Variants in SPIRE1 observed in about 807,000 individuals in gnomAD.
The protein encoded by SPIRE1 is protein spire homolog 1.
SPIRE1 carries 40 observed loss-of-function variants against 94.1 expected under a neutral mutation model. The observed-to-expected ratio is 0.43, with a 90% CI of 0.33 to 0.55. The LOEUF is 0.55. Ranked by LOEUF, SPIRE1 falls within the 20% of genes least tolerant of loss-of-function variation. SPIRE1 has a pLI of 0.06. For missense variants in SPIRE1, 838 were observed against 975.2 expected (o/e 0.86, Z 1.87); for synonymous variants, 376 against 371.7 (o/e 1.01, Z -0.13).
At chr18:12,509,601 T>C (rs1029766395) in intron 5 of SPIRE1, among the ~76,000 whole-genome samples, 7 of 152,192 alleles carry the variant, frequency 4.6e-5, no homozygotes, top group African/African-American at 1.7e-4. Context: ...TACAAATATC[T>C]TGAAGATATC....
intron 2 of SPIRE1, among the ~76,000 whole-genome samples, chr18:12,547,990 G>A (rs147554050): frequency 2.6e-5 from 4 of 152,114 alleles, no homozygotes; most frequent in African/African-American, 9.7e-5. Context: ...ATTAAATCCT[G>A]ACTTTTACCA....
At chr18:12,605,957 C>A (rs1345483287) in intron 2 of SPIRE1, among the ~76,000 whole-genome samples, 3 of 152,154 alleles carry the variant, frequency 2.0e-5, no homozygotes, top group Non-Finnish European at 2.9e-5. Context: ...TCCACCTAGG[C>A]ATCTTCCCAC....
chr18:12,527,741 G>C (rs1422894994), intron 4 of SPIRE1, among the ~76,000 whole-genome samples: 2 of 151,976 alleles, frequency 1.3e-5, no homozygotes, highest in Non-Finnish European at 2.9e-5. Context: ...GCATCTTAAG[G>C]TTGATTCTAT....
rs559585603 is a variant in SPIRE1, at chr18:12,574,989, C to T, written c.373-28085G>A. ...CATTGGAGACTTTGGCAAGGGCAAT[C>T]TGGGTGAGTAAACAGAAATGTGTAC... On this transcript the variant is annotated intron_variant, in intron 2 of 16. Transcript: ENST00000409402. Among the ~76,000 whole-genome samples the T allele has an allele frequency of 2.0e-5, 3 of 152,262 alleles. No homozygotes were observed. The East Asian group carries it at 5.8e-4, about 29-fold the overall frequency.
chr18:12,450,611 G>C (rs2031185376), intron 16 of SPIRE1: 3 of 566,230 alleles, frequency 5.3e-6, no homozygotes, highest in African/African-American at 3.9e-5. Context: ...GTCTGGGAAA[G>C]AGAAGTCTAA....
intron 1 of SPIRE1, among the ~76,000 whole-genome samples, chr18:12,638,414 A>G (rs2037995097): frequency 6.6e-6 from 1 of 152,242 alleles, no homozygotes; most frequent in South Asian, 2.1e-4. Flanking sequence ...ACAGCACTCC[A>G]GAACAGGTGA....
chr18:12,541,602 C>A (rs2035016109), intron 3 of SPIRE1, among the ~76,000 whole-genome samples: 1 of 152,056 alleles, frequency 6.6e-6, no homozygotes, highest in Non-Finnish European at 1.5e-5. Flanking sequence ...GCCTTTAGGT[C>A]CATTTTATAT....
chr18:12,462,359 T>C lies in SPIRE1; in HGVS notation c.1638+992A>G, dbSNP rs533451796. 5.2e-4 allele frequency among the ~76,000 whole-genome samples: 79 copies of C among 152,372 alleles called. 1 individual carries two copies. The highest frequency in any genetic ancestry group is 1.9e-3 in the African/African-American group (79 of 41,594). ...TTCTATTATTTTTTATTCATGAATATTTGAAAACACATTAGATATTTGACT... is the reference window on the plus strand; with the variant it reads ...TTCTATTATTTTTTATTCATGAATACTTGAAAACACATTAGATATTTGACT... On this transcript the variant is annotated intron_variant, in intron 12 of 16. Coordinates refer to ENST00000409402, the MANE Select transcript of SPIRE1 (RefSeq NM_001128626.2).
chr18:12,507,400 T>C (rs897880298), intron 5 of SPIRE1, among the ~76,000 whole-genome samples: 6 of 152,094 alleles, frequency 3.9e-5, no homozygotes, highest in Non-Finnish European at 8.8e-5. Flanking sequence ...GTTCTATACA[T>C]AGAAAATACT....
intron 9 of SPIRE1, among the ~76,000 whole-genome samples, chr18:12,481,175 T>A (rs1198263012): frequency 6.6e-6 from 1 of 151,768 alleles, no homozygotes; most frequent in Non-Finnish European, 1.5e-5. Context: ...ACTAAAAATA[T>A]AAAAATTAGC....
intron 2 of SPIRE1, among the ~76,000 whole-genome samples, chr18:12,620,237 T>C (rs1022023404): frequency 1.3e-5 from 2 of 152,194 alleles, no homozygotes; most frequent in Non-Finnish European, 2.9e-5. Context: ...GGCTTAGCAT[T>C]GTTAAATGCG....
chr18:12,461,282 T>C (rs189938032), intron 12 of SPIRE1, among the ~76,000 whole-genome samples: 2 of 152,262 alleles, frequency 1.3e-5, no homozygotes, highest in African/African-American at 4.8e-5. Flanking sequence ...AATGACATTG[T>C]ATGATCACAT....
At chr18:12,527,935 G>A (rs943481036) in intron 4 of SPIRE1, among the ~76,000 whole-genome samples, 27 of 152,044 alleles carry the variant, frequency 1.8e-4, no homozygotes, top group African/African-American at 6.0e-4. Context: ...GCGTGGTGGC[G>A]GGTGCCTGTA....
At chr18:12,586,624 T>A (rs1302810900) in intron 2 of SPIRE1, among the ~76,000 whole-genome samples, 1 of 152,240 alleles carries the variant, frequency 6.6e-6, no homozygotes, top group Non-Finnish European at 1.5e-5. Context: ...ATTTACAAGT[T>A]TATTAGGCTT....
chr18:12,489,799 G>A (rs571399604), intron 8 of SPIRE1, among the ~76,000 whole-genome samples: 1 of 152,320 alleles, frequency 6.6e-6, no homozygotes, highest in Admixed American at 6.5e-5. Flanking sequence ...TATATACACA[G>A]TTTTCATCCT....
chr18:12,642,995 T>C (rs2038127717), intron 1 of SPIRE1, among the ~76,000 whole-genome samples: 1 of 152,160 alleles, frequency 6.6e-6, no homozygotes. Flanking sequence ...ATTTAAAGAA[T>C]AGTACTGTAT....
intron 10 of SPIRE1, among the ~76,000 whole-genome samples, chr18:12,476,564 A>AAAAAAAATAT (rs1568194404): frequency 2.9e-5 from 2 of 69,842 alleles, no homozygotes; most frequent in African/African-American, 7.6e-5. Context: ...AAAAAAAAAA[A>AAAAAAAATAT]ATATATATAT....
At chr18:12,526,092 C>CACACACAG (rs765621602) in intron 4 of SPIRE1, among the ~76,000 whole-genome samples, 10 of 148,974 alleles carry the variant, frequency 6.7e-5, no homozygotes, top group African/African-American at 1.5e-4. Flanking sequence ...CACACACACA[C>CACACACAG]AGAGATGTAT....
At chr18:12,451,538 C>T (rs2031236056) in intron 16 of SPIRE1, among the ~76,000 whole-genome samples, 1 of 152,204 alleles carries the variant, frequency 6.6e-6, no homozygotes. Context: ...TGAAAATTCA[C>T]ACCCAGAGGT....
Sources: allele counts gnomAD v4.1 joint callset (sites outside exome capture counted in the v4.1 genomes callset), GRCh38; gene constraint gnomAD v4.1.1; transcripts MANE v1.5; gene names NCBI Gene and HGNC (gene_info 2026-07-23, HGNC 2026-07-21).